The following ABTB2 variants were observed in gnomAD, a reference collection of about 807,000 sequenced individuals.
ABTB2 encodes the protein ankyrin repeat and BTB/POZ domain-containing protein 2.
In ABTB2, 56 loss-of-function variants were observed where a neutral mutation model predicts 104.1. The observed-to-expected ratio is 0.54, with a 90% confidence interval of 0.43 to 0.67. The LOEUF (loss-of-function observed/expected upper bound fraction) is 0.67, where lower values mean the gene tolerates loss of function less well. Among genes scored for constraint, ABTB2 ranks in the 30% least tolerant of loss-of-function variants. ABTB2 has a pLI of 0.00. For synonymous variants in ABTB2, 606 were observed against 608.2 expected, an observed-to-expected ratio of 1.00 and a Z score of 0.05; for missense variants, 1,279 against 1,407.7, an observed-to-expected ratio of 0.91 and a Z score of 1.46.
intron 1 of ABTB2, among the ~76,000 whole-genome samples, chr11:34,314,936 C>T (rs1854907278): frequency 6.6e-6 from 1 of 152,094 alleles, no homozygotes; most frequent in Non-Finnish European, 1.5e-5. Context: ...TACAGTCAGC[C>T]CCTGTGATGG....
intron 1 of ABTB2, among the ~76,000 whole-genome samples, chr11:34,274,549 G>A (rs551765493): frequency 1.4e-5 from 2 of 142,746 alleles, no homozygotes; most frequent in East Asian, 4.0e-4. Context: ...GTTAAGTAGT[G>A]GATTGGAATA....
rs889379599 is a variant in ABTB2 at position 34,279,402 on chromosome 11, G to C, written c.884-74712C>G. Reference sequence around the variant, plus strand: ...AGGAGTGAGCTGCCATGCCCGGTCTGTTCTTTACTTTAATCCTCATTATAA... The same window carrying C: ...AGGAGTGAGCTGCCATGCCCGGTCTCTTCTTTACTTTAATCCTCATTATAA... On this transcript the variant is annotated intron_variant, in intron 1 of 16. Transcript: ENST00000435224. Among the ~76,000 whole-genome samples the C allele has an allele frequency of 2.0e-5, 3 of 152,082 alleles. No homozygotes were observed. The East Asian group carries it at 5.8e-4, about 29-fold the overall frequency.
At chr11:34,287,444 G>A (rs768325087) in intron 1 of ABTB2, among the ~76,000 whole-genome samples, 5 of 152,100 alleles carry the variant, frequency 3.3e-5, no homozygotes, top group Non-Finnish European at 5.9e-5. Flanking sequence ...AGCTACTCAG[G>A]ACTCTGAGGT....
At chr11:34,160,385 G>C in intron 11 of ABTB2, 32 bp from the exon 12 acceptor site, 1 of 1,511,842 alleles carries the variant, frequency 6.6e-7, no homozygotes, top group Non-Finnish European at 9.2e-7. Context: ...CCTGTGAGCT[G>C]CCCGCTGTGG....
At chr11:34,249,330 G>A (rs1378756582) in intron 1 of ABTB2, among the ~76,000 whole-genome samples, 1 of 152,178 alleles carries the variant, frequency 6.6e-6, no homozygotes, top group East Asian at 1.9e-4. Context: ...GACGATATAT[G>A]TATTAATGAA....
At chr11:34,193,363 G>A (rs553357946) in intron 3 of ABTB2, among the ~76,000 whole-genome samples, 19 of 152,350 alleles carry the variant, frequency 1.2e-4, no homozygotes, top group African/African-American at 4.3e-4. Flanking sequence ...GCTTTCCCAG[G>A]ATAGTGAGGG....
In ABTB2 at chr11:34,305,759, T is replaced by C. The variant is rs901878223; in HGVS notation, c.883+50942A>G. Among the ~76,000 whole-genome samples the C allele has an allele frequency of 1.3e-5, 2 of 152,238 alleles. 1 individual carries two copies. Among genetic ancestry groups the C allele is most frequent in the South Asian group, 4.1e-4 (2 of 4,832 alleles). Reference sequence around the variant, plus strand: ...AAGGATAGTGCAATAAATACTCATATACCCTTTACCTAGACTCACCAATTG... The same window carrying C: ...AAGGATAGTGCAATAAATACTCATACACCCTTTACCTAGACTCACCAATTG... On this transcript the variant is annotated intron_variant, in intron 1 of 16. Coordinates refer to ENST00000435224, the MANE Select transcript of ABTB2 (RefSeq NM_145804.3).
chr11:34,263,152 C>A (rs564446591), intron 1 of ABTB2, among the ~76,000 whole-genome samples: 2 of 152,134 alleles, frequency 1.3e-5, no homozygotes, highest in East Asian at 3.9e-4. Flanking sequence ...GGTTAAGGGT[C>A]CATCTCTCAA....
chr11:34,329,658 G>A (rs1450207002), intron 1 of ABTB2, among the ~76,000 whole-genome samples: 2 of 152,224 alleles, frequency 1.3e-5, no homozygotes, highest in Admixed American at 1.3e-4. Flanking sequence ...TGAGGCTGCT[G>A]CAGCTAGTTT....
chr11:34,317,363 G>T (rs926280483), intron 1 of ABTB2, among the ~76,000 whole-genome samples: 1 of 152,166 alleles, frequency 6.6e-6, no homozygotes, highest in Non-Finnish European at 1.5e-5. Context: ...TTGGGGGTTT[G>T]TCTCCTCTCC....
chr11:34,162,657 G>A lies in ABTB2; in HGVS notation c.2137C>T (p.Arg713Cys), dbSNP rs761776032. ...SEGPVRLSRT[R>C]TKALQEAMYY... The stretch of plus-strand genomic sequence containing the variant: ...ATGGCCTCCTGTAGGGCCTTGGTGC[G>A]GGTCCGGCTCAGCCGCACGGGCCCC... Residue 713 changes from arginine (R) to cysteine (C), a missense_variant, in exon 10 of 17, where the codon CGC (arginine) becomes TGC (cysteine). Coordinates refer to ENST00000435224, the MANE Select transcript of ABTB2 (RefSeq NM_145804.3). The A allele has an allele frequency of 2.2e-5, 35 of 1,613,282 alleles. No individual in the cohort carries two copies. Among genetic ancestry groups the A allele is most frequent in the Admixed American group, 1.7e-4 (10 of 60,008 alleles).
At position 34,160,898 on chromosome 11, in the gene ABTB2, C is replaced by G. The variant is rs1365548619; in HGVS notation, c.2397+5G>C. 6.3e-7 allele frequency: 1 copy of G among 1,598,198 alleles called. No homozygotes were observed. The highest frequency in any genetic ancestry group is 8.5e-7 in the Non-Finnish European group (1 of 1,170,764). ...GCTTGGGAACTGGCCACTGGCCACACTTACTTTGCTGGTCTTGAGGATGTC... is the reference window on the plus strand; with the variant it reads ...GCTTGGGAACTGGCCACTGGCCACAGTTACTTTGCTGGTCTTGAGGATGTC... On this transcript the variant is annotated splice_donor_5th_base_variant and intron_variant, in intron 11 of 16. Transcript: ENST00000435224.
At position 34,356,439 on chromosome 11, in the gene ABTB2, C is replaced by A. The variant is rs894243093; in HGVS notation, c.883+262G>T. 1.3e-5 allele frequency among the ~76,000 whole-genome samples: 2 copies of A among 152,182 alleles called. No individual in the cohort carries two copies. The highest frequency in any genetic ancestry group is 4.8e-5 in the African/African-American group (2 of 41,434). ...CTTGGTCAAGAGATTCAATCTCACC[C>A]AATCAATGAACAGCCCGCAGATAGT... On this transcript the variant is annotated intron_variant, in intron 1 of 16. Coordinates refer to ENST00000435224, the MANE Select transcript of ABTB2 (RefSeq NM_145804.3). The surrounding 1 kb of genome is among the most constrained non-coding windows in gnomAD (Gnocchi z 4.6).
At chr11:34,294,803 C>T (rs756866758) in intron 1 of ABTB2, among the ~76,000 whole-genome samples, 3 of 152,124 alleles carry the variant, frequency 2.0e-5, no homozygotes, top group Admixed American at 6.5e-5. Flanking sequence ...TAACCTCCAC[C>T]TCCCGGGTTC....
At chr11:34,276,393 C>T (rs568782411) in intron 1 of ABTB2, among the ~76,000 whole-genome samples, 1 of 152,282 alleles carries the variant, frequency 6.6e-6, no homozygotes, top group African/African-American at 2.4e-5. Context: ...CTGGTACTTA[C>T]TTGAAGCTAT....
At chr11:34,168,888 G>C (rs1459190063) in intron 5 of ABTB2, among the ~76,000 whole-genome samples, 1 of 152,238 alleles carries the variant, frequency 6.6e-6, no homozygotes, top group African/African-American at 2.4e-5. Context: ...TTATTCCACG[G>C]CTGGATCCCA....
intron 8 of ABTB2, among the ~76,000 whole-genome samples, 167 bp downstream of exon 8, chr11:34,165,092 TG>T (rs1299842438): frequency 2.0e-5 from 3 of 152,114 alleles, no homozygotes; most frequent in African/African-American, 7.2e-5. Context: ...CAGAAACTGA[TG>T]GGTGGGGCCA....
intron 1 of ABTB2, among the ~76,000 whole-genome samples, chr11:34,338,576 T>A (rs1590262260): frequency 6.7e-6 from 1 of 148,458 alleles, no homozygotes; most frequent in South Asian, 2.1e-4. Context: ...CGTGGTGGGG[T>A]GCACCTGCAG....
In ABTB2 at chr11:34,357,694, T is replaced by G. The variant is rs1053361741; in HGVS notation, c.-111A>C. On this transcript the variant is annotated 5_prime_UTR_variant, in exon 1 of 17. Coordinates refer to ENST00000435224, the MANE Select transcript of ABTB2 (RefSeq NM_145804.3). Reference sequence around the variant, plus strand: ...AGGCCCTCCGGGCCACCCTCCTTCCTCTCTGCGTCGCGGGGCTCGGCGGCC... The same window carrying G: ...AGGCCCTCCGGGCCACCCTCCTTCCGCTCTGCGTCGCGGGGCTCGGCGGCC... 114 of 1,178,948 alleles carry G rather than the reference T, an allele frequency of 9.7e-5. 2 individuals carry two copies. Among genetic ancestry groups the G allele is most frequent in the South Asian group, 3.7e-4 (16 of 43,236 alleles). The allele number at this position is 1,178,948 out of a possible 1,614,324, so 73.0% of individuals were successfully genotyped here.
Sources: gnomAD v4.1 joint callset for allele counts (sites outside exome capture counted in the v4.1 genomes callset) on GRCh38, gnomAD v4.1.1 for gene constraint, Gnocchi (gnomAD v3.1) non-coding constraint, MANE v1.5 for transcripts, NCBI Gene and HGNC (gene_info 2026-07-23, HGNC 2026-07-21) for gene names.